DET1: variants seen among roughly 807,000 people sequenced by gnomAD.
The protein encoded by DET1 is DET1 partner of COP1 E3 ubiquitin ligase.
In DET1, 22 loss-of-function variants were observed where a neutral mutation model predicts 43.7. The ratio of observed to expected loss-of-function variants is 0.50; its 90% CI spans 0.36 to 0.72. The LOEUF (loss-of-function observed/expected upper bound fraction) is 0.72. DET1 is among the 30% of genes least tolerant of loss of function. The pLI is 0.00. For synonymous variants in DET1, 315 were observed against 266.2 expected (o/e 1.18, Z -1.79); for missense variants, 713 against 713.3 (o/e 1.00, Z 0.00).
At chr15:88,510,931 G>A (rs1008591216), downstream of DET1, among the ~76,000 whole-genome samples, 7 of 151,610 alleles carry the variant, frequency 4.6e-5, no homozygotes, top group Non-Finnish European at 1.0e-4. Flanking sequence ...CCGCCACCAC[G>A]TCCCGCTAAT....
chr15:88,506,255 AT>A (rs1217294146), intron 7 of DET1, among the ~76,000 whole-genome samples: 1 of 152,188 alleles, frequency 6.6e-6, no homozygotes. Flanking sequence ...AATTCTTATC[AT>A]CATGCCCAGG....
At chr15:88,530,541 G>A in intron 2 of DET1, 82 bp downstream of exon 2, 1 of 1,514,188 alleles carries the variant, frequency 6.6e-7, no homozygotes, top group Middle Eastern at 1.8e-4. Flanking sequence ...TATTTCTGAG[G>A]GGTGGGCTAT....
intron 1 of DET1, among the ~76,000 whole-genome samples, chr15:88,542,354 C>T (rs748897974): frequency 2.0e-5 from 3 of 152,196 alleles, no homozygotes; most frequent in South Asian, 2.1e-4. Context: ...TATCTCCTCA[C>T]GGATATTAAA....
At chr15:88,523,425 G>A (rs1213514844) in intron 3 of DET1, among the ~76,000 whole-genome samples, 6 of 151,688 alleles carry the variant, frequency 4.0e-5, no homozygotes, top group Non-Finnish European at 8.8e-5. Flanking sequence ...TCTCACTCTT[G>A]TCTCCCCTTT....
At chr15:88,539,283 C>G (rs2057034405) in intron 1 of DET1, among the ~76,000 whole-genome samples, 1 of 151,876 alleles carries the variant, frequency 6.6e-6, no homozygotes. Context: ...ACCTGCAGTT[C>G]TGGGGCGACC....
intron 1 of DET1, among the ~76,000 whole-genome samples, chr15:88,542,481 T>C (rs972102397): frequency 6.6e-6 from 1 of 152,152 alleles, no homozygotes; most frequent in African/African-American, 2.4e-5. Flanking sequence ...TTTATACTCC[T>C]TTTGACCCGG....
At position 88,531,763 on chromosome 15, in the gene DET1, C is replaced by G; in HGVS notation, c.-10-48G>C. 1 of 1,516,502 alleles carries G rather than the reference C, an allele frequency of 6.6e-7. No homozygotes were observed. The highest frequency in any genetic ancestry group is 8.9e-7 in the Non-Finnish European group (1 of 1,127,260). The allele number at this position is 1,516,502 out of a possible 1,614,324, so 93.9% of individuals were successfully genotyped here. A position where few individuals can be genotyped will look rare whatever the true frequency, so the allele number is the denominator to read the frequency against. Reference sequence around the variant, plus strand: ...AGTCAAGAAAGTGAAACAGAATTTACCAAAATATAAATATATACAAGTGAA... The same window carrying G: ...AGTCAAGAAAGTGAAACAGAATTTAGCAAAATATAAATATATACAAGTGAA... On this transcript the variant is annotated intron_variant, in intron 1 of 4. Transcript: ENST00000268148. This position sits in a 1 kb window ranked among gnomAD's most constrained non-coding sequence, Gnocchi z 6.2.
At chr15:88,540,579 T>A (rs188396911) in intron 1 of DET1, among the ~76,000 whole-genome samples, 55 of 152,126 alleles carry the variant, frequency 3.6e-4, no homozygotes, top group African/African-American at 1.3e-3. Flanking sequence ...GAGATCAGAT[T>A]GTTACTGTGT....
At chr15:88,536,314 T>C (rs2142324876) in intron 1 of DET1, 6 of 778,672 alleles carry the variant, frequency 7.7e-6, no homozygotes, top group Non-Finnish European at 1.4e-5. Context: ...TTGTTTACCT[T>C]TTTAGTATCT....
Position 88,516,006 on chromosome 15 carries a change from TACAG to T in DET1, c.1463+772_1463+775del, listed in dbSNP as rs2056335445. On this transcript the variant is annotated intron_variant, in intron 4 of 4. Coordinates refer to ENST00000268148, the MANE Select transcript of DET1 (RefSeq NM_001144074.3). This position sits in a 1 kb window ranked among gnomAD's most constrained non-coding sequence, Gnocchi z 4.4. ...AAATATTATAAATGGTGATTAATTA[TACAG>T]ACTATGTCACACAGGCACATTTAAT... Among the ~76,000 whole-genome samples the T allele has an allele frequency of 2.0e-5, 3 of 152,238 alleles. 1 individual carries two copies. The highest frequency in any genetic ancestry group is 7.2e-5 in the African/African-American group (3 of 41,466).
At chr15:88,528,817 T>C (rs1473356865) in intron 2 of DET1, among the ~76,000 whole-genome samples, 2 of 152,234 alleles carry the variant, frequency 1.3e-5, no homozygotes. Context: ...TACTAGTAAT[T>C]AGTCCTTCTC....
At position 88,530,713 on chromosome 15, in the gene DET1, C is replaced by T; in HGVS notation, c.993G>A (p.Met331Ile). The T allele has an allele frequency of 1.2e-6, 2 of 1,614,024 alleles. No individual in the cohort carries two copies. Among genetic ancestry groups the T allele is most frequent in the Non-Finnish European group, 1.7e-6 (2 of 1,179,880 alleles). Reference protein sequence around the residue: ...QYFDQLRQLRMWKMQLLDENH... With the variant: ...QYFDQLRQLRIWKMQLLDENH... Reference sequence around the variant, plus strand: ...TTTCATCCAGAAGCTGCATTTTCCACATTCGCAGCTGCCGCAGTTGGTCAA... The same window carrying T: ...TTTCATCCAGAAGCTGCATTTTCCATATTCGCAGCTGCCGCAGTTGGTCAA... Residue 331 changes from methionine to isoleucine, a missense_variant, in exon 2 of 5, where the codon ATG becomes ATA. By Grantham distance (10) the Met-to-Ile change is conservative. Coordinates refer to ENST00000268148, the MANE Select transcript of DET1 (RefSeq NM_001144074.3).
intron 3 of DET1, among the ~76,000 whole-genome samples, chr15:88,522,260 C>A (rs1308138146): frequency 6.6e-6 from 1 of 152,144 alleles, no homozygotes; most frequent in African/African-American, 2.4e-5. Flanking sequence ...GATGGTCCTG[C>A]CAATCTAAAA....
intron 1 of DET1, among the ~76,000 whole-genome samples, chr15:88,533,829 G>A (rs1394911378): frequency 9.0e-6 from 1 of 111,094 alleles, no homozygotes; most frequent in African/African-American, 3.5e-5. Flanking sequence ...TCTAGCTTGG[G>A]CAACAGAGCA....
chr15:88,544,689 T>C (rs1431061969), intron 1 of DET1, among the ~76,000 whole-genome samples: 1 of 152,198 alleles, frequency 6.6e-6, no homozygotes, highest in African/African-American at 2.4e-5. Context: ...CTTAGATTCA[T>C]CACTCCTGCA....
chr15:88,518,692 G>A (rs1278946025), intron 3 of DET1, among the ~76,000 whole-genome samples: 1 of 152,140 alleles, frequency 6.6e-6, no homozygotes, highest in Non-Finnish European at 1.5e-5. Context: ...CAATCAAGGG[G>A]ATATCAATTT....
chr15:88,508,813 T>C (rs1394815381), downstream of DET1, among the ~76,000 whole-genome samples: 2 of 152,110 alleles, frequency 1.3e-5, no homozygotes, highest in Non-Finnish European at 2.9e-5. Flanking sequence ...AGCAGAGAAA[T>C]GAGCAGTAAT....
At chr15:88,542,891 T>C (rs1013245639) in intron 1 of DET1, among the ~76,000 whole-genome samples, 8 of 152,148 alleles carry the variant, frequency 5.3e-5, no homozygotes, top group African/African-American at 9.7e-5. Flanking sequence ...TGCCCACTAC[T>C]GCCACAAGAA....
intron 8 of DET1, chr15:88,502,218 C>G (rs891935015): frequency 6.6e-6 from 1 of 152,196 alleles, no homozygotes; most frequent in African/African-American, 2.4e-5. Flanking sequence ...TAACCCCCAA[C>G]AGAAACTTTT....
Sources: allele counts gnomAD v4.1 joint callset (sites outside exome capture counted in the v4.1 genomes callset), GRCh38; gene constraint gnomAD v4.1.1; non-coding constraint Gnocchi (gnomAD v3.1); transcripts MANE v1.5; gene names NCBI Gene and HGNC (gene_info 2026-07-23, HGNC 2026-07-21).